Variants in PLCB4 observed in about 807,000 individuals in gnomAD.
PLCB4 encodes phospholipase C beta 4.
A neutral mutation model predicts 178.8 loss-of-function variants in PLCB4; 77 were observed. That is an observed-to-expected ratio of 0.43 (90% CI 0.36 to 0.52). The LOEUF (loss-of-function observed/expected upper bound fraction) is 0.52. Among genes scored for constraint, PLCB4 ranks in the 20% least tolerant of loss-of-function variants. The pLI is 0.00. For synonymous variants in PLCB4, 496 were observed against 490.8 expected (o/e 1.01, Z -0.14); for missense variants, 1,024 against 1,453.4 (o/e 0.70, Z 4.80).
chr20:9,366,006 ACT>A (rs772016176), intron 9 of PLCB4, among the ~76,000 whole-genome samples: 3 of 151,744 alleles, frequency 2.0e-5, no homozygotes, highest in Non-Finnish European at 4.4e-5. Flanking sequence ...CGTGCTGCCT[ACT>A]CTCTACATGT....
chr20:9,204,916 G>A (rs980841452), intron 2 of PLCB4, among the ~76,000 whole-genome samples: 5 of 151,530 alleles, frequency 3.3e-5, no homozygotes, highest in African/African-American at 9.7e-5. Context: ...AAAAAAACCC[G>A]AATTTAAAAT....
intron 35 of PLCB4, among the ~76,000 whole-genome samples, chr20:9,460,427 C>G (rs1028107976): frequency 6.6e-6 from 1 of 152,148 alleles, no homozygotes; most frequent in Non-Finnish European, 1.5e-5. Context: ...GAGAGAGTCT[C>G]CATTTCCCTT....
At chr20:9,333,005 C>T (rs1210904772) in intron 4 of PLCB4, among the ~76,000 whole-genome samples, 1 of 152,192 alleles carries the variant, frequency 6.6e-6, no homozygotes, top group Non-Finnish European at 1.5e-5. Flanking sequence ...CGGCCTCAAC[C>T]AGTGCCCTTG....
At chr20:9,158,753 C>T (rs1159519679) in intron 2 of PLCB4, among the ~76,000 whole-genome samples, 4 of 152,088 alleles carry the variant, frequency 2.6e-5, no homozygotes, top group African/African-American at 7.2e-5. Flanking sequence ...AAAAACCCTG[C>T]GTCAGAGGAC....
chr20:9,255,141 G>GC (rs2094220338), intron 3 of PLCB4, among the ~76,000 whole-genome samples: 1 of 152,198 alleles, frequency 6.6e-6, no homozygotes, highest in South Asian at 2.1e-4. Flanking sequence ...ACCTTGCCCT[G>GC]TTAATGGTGC....
At chr20:9,463,593 CAAAAAAA>C (rs145361980) in intron 35 of PLCB4, among the ~76,000 whole-genome samples, 6 of 49,714 alleles carry the variant, frequency 1.2e-4, no homozygotes, top group Middle Eastern at 0.023. Flanking sequence ...AAATGGAAAG[CAAAAAAA>C]AAAAAAAAAA....
chr20:9,461,341 A>C (rs191835269), intron 35 of PLCB4, among the ~76,000 whole-genome samples: 6 of 152,330 alleles, frequency 3.9e-5, no homozygotes, highest in Admixed American at 3.9e-4. Flanking sequence ...AGCATGATCG[A>C]TGCAGAAGAT....
rs141970612 is a variant in PLCB4, at chr20:9,085,249, T to TC, written c.-134-11037dup. ...AATGGGGTCACATAATAAAGGTTCT[T>TC]CTCCTTTACATATGTGCGTGAACTT... On this transcript the variant is annotated intron_variant, in intron 1 of 39. Coordinates refer to ENST00000378473, the MANE Select transcript of PLCB4 (RefSeq NM_001377142.1). Among the ~76,000 whole-genome samples the TC allele has an allele frequency of 8.4e-3, 1,283 of 152,220 alleles. 16 individuals carry two copies. The highest frequency in any genetic ancestry group is 0.028 in the African/African-American group (1,164 of 41,516).
intron 4 of PLCB4, among the ~76,000 whole-genome samples, chr20:9,327,363 C>G (rs1238844544): frequency 6.6e-6 from 1 of 151,896 alleles, no homozygotes; most frequent in South Asian, 2.1e-4. Flanking sequence ...AGGAGGATTG[C>G]TTGAGCGCAG....
At chr20:9,387,746 T>G (rs1298967272) in intron 15 of PLCB4, among the ~76,000 whole-genome samples, 190 bp downstream of exon 15, 3 of 152,244 alleles carry the variant, frequency 2.0e-5, no homozygotes, top group Non-Finnish European at 2.9e-5. Flanking sequence ...GATACTGTTC[T>G]TGCTTTCAAA....
chr20:9,204,564 T>C (rs1232000643), intron 2 of PLCB4, among the ~76,000 whole-genome samples: 2 of 152,084 alleles, frequency 1.3e-5, no homozygotes, highest in Non-Finnish European at 2.9e-5. Context: ...GGTTTTGCCA[T>C]GTTGGTCAGG....
chr20:9,265,259 G>C (rs1265974631), intron 3 of PLCB4, among the ~76,000 whole-genome samples: 2 of 152,106 alleles, frequency 1.3e-5, no homozygotes, highest in African/African-American at 4.8e-5. Flanking sequence ...AAGGCAGATG[G>C]ATCACTTGAG....
At chr20:9,238,029 G>T (rs1487683061) in intron 3 of PLCB4, among the ~76,000 whole-genome samples, 1 of 152,142 alleles carries the variant, frequency 6.6e-6, no homozygotes, top group African/African-American at 2.4e-5. Flanking sequence ...AGGTTTAGAA[G>T]ACTGGCCTGG....
chr20:9,357,449 G>T (rs2034937164), intron 7 of PLCB4, among the ~76,000 whole-genome samples: 1 of 152,188 alleles, frequency 6.6e-6, no homozygotes, highest in South Asian at 2.1e-4. Flanking sequence ...CTATCACTAT[G>T]AGATAGAATA....
chr20:9,353,426 C>G (rs2034516582), intron 7 of PLCB4, among the ~76,000 whole-genome samples: 1 of 152,234 alleles, frequency 6.6e-6, no homozygotes, highest in Admixed American at 6.5e-5. Context: ...CTGCACTTGT[C>G]TGTCCTTGGT....
chr20:9,472,043 T>C lies in PLCB4; in HGVS notation c.3351-747T>C, dbSNP rs1316042319. Among the ~76,000 whole-genome samples, 13 of 152,298 alleles carry C rather than the reference T, an allele frequency of 8.5e-5. 1 individual carries two copies. The highest frequency in any genetic ancestry group is 6.5e-4 in the Admixed American group (10 of 15,296). ...ATTTTTGTTAATGGCAATGAGGAAATAGTGTAGTCTGTTCATAAATTGAAA... is the reference window on the plus strand; with the variant it reads ...ATTTTTGTTAATGGCAATGAGGAAACAGTGTAGTCTGTTCATAAATTGAAA... On this transcript the variant is annotated intron_variant, in intron 36 of 39. Coordinates refer to ENST00000378473, the MANE Select transcript of PLCB4 (RefSeq NM_001377142.1).
At chr20:9,404,133 T>C (rs1009639718) in intron 20 of PLCB4, among the ~76,000 whole-genome samples, 4 of 151,964 alleles carry the variant, frequency 2.6e-5, no homozygotes, top group African/African-American at 9.7e-5. Context: ...AGTGGTGCAG[T>C]AGAGAGGAAG....
At chr20:9,454,054 A>G (rs2042921231) in intron 33 of PLCB4, among the ~76,000 whole-genome samples, 1 of 152,222 alleles carries the variant, frequency 6.6e-6, no homozygotes, top group East Asian at 1.9e-4. Context: ...TCATCTCAGT[A>G]TGTGATAATT....
At chr20:9,088,756 G>T (rs372738948) in intron 1 of PLCB4, among the ~76,000 whole-genome samples, 9 of 152,238 alleles carry the variant, frequency 5.9e-5, no homozygotes, top group Middle Eastern at 3.4e-3. Flanking sequence ...TAGTTGGTCA[G>T]GTTGGCCTAT....
Sources: allele counts gnomAD v4.1 joint callset (sites outside exome capture counted in the v4.1 genomes callset), GRCh38; gene constraint gnomAD v4.1.1; transcripts MANE v1.5; gene names NCBI Gene and HGNC (gene_info 2026-07-23, HGNC 2026-07-21).